Variants in MAP3K5 observed in about 807,000 individuals in gnomAD.
MAP3K5 encodes the protein mitogen-activated protein kinase kinase kinase 5.
MAP3K5 carries 56 observed loss-of-function variants against 158.7 expected under a neutral mutation model. The observed-to-expected ratio is 0.35, with a 90% CI of 0.28 to 0.44. MAP3K5 has a LOEUF of 0.44. Among genes scored for constraint, MAP3K5 ranks in the 20% least tolerant of loss-of-function variants. The pLI is 1.00. For synonymous variants in MAP3K5, 579 were observed against 601.7 expected, an observed-to-expected ratio of 0.96 and a Z score of 0.55; for missense variants, 1,294 against 1,674.8, an observed-to-expected ratio of 0.77 and a Z score of 3.97.
Position 136,792,133 on chromosome 6 carries a change from T to C in MAP3K5, c.25A>G (p.Ile9Val). 6.3e-7 allele frequency: 1 copy of C among 1,578,610 alleles called. No homozygotes were observed. The highest frequency in any genetic ancestry group is 1.1e-5 in the South Asian group (1 of 87,602). MSTEADEG[I>V]TFSVPPFAPS... is the part of the protein sequence containing the mutation. ...GCGAAGGGTGGCACAGAGAAAGTGA[T>C]GCCCTCGTCCGCCTCCGTGCTCATC... Residue 9 changes from isoleucine (I) to valine (V), a missense_variant, in exon 1 of 30, where the codon ATC becomes GTC. Ile to Val is a conservative substitution (Grantham distance 29, BLOSUM62 3). Transcript: ENST00000359015. This position sits in a 1 kb window ranked among gnomAD's most constrained non-coding sequence, Gnocchi z 5.7.
At chr6:136,725,356 G>C (rs186484258) in intron 1 of MAP3K5, among the ~76,000 whole-genome samples, 65 of 152,302 alleles carry the variant, frequency 4.3e-4, no homozygotes, top group Non-Finnish European at 7.5e-4. Flanking sequence ...CAACATCTTT[G>C]TCAGCGCTTG....
At chr6:136,689,491 G>A (rs1050049827) in intron 7 of MAP3K5, among the ~76,000 whole-genome samples, 3 of 152,052 alleles carry the variant, frequency 2.0e-5, no homozygotes, top group African/African-American at 7.2e-5. Context: ...TGGTTTGAAT[G>A]TTTCTCCCCA....
chr6:136,660,271 G>T (rs527596425), intron 8 of MAP3K5, among the ~76,000 whole-genome samples: 11 of 152,224 alleles, frequency 7.2e-5, no homozygotes, highest in African/African-American at 2.6e-4. Context: ...AAGGAAATAT[G>T]CCTGACACGG....
At chr6:136,601,569 A>G (rs185985727) in intron 20 of MAP3K5, among the ~76,000 whole-genome samples, 8 of 152,274 alleles carry the variant, frequency 5.3e-5, no homozygotes, top group Non-Finnish European at 8.8e-5. Flanking sequence ...CATATTAACT[A>G]CCTACTAACT....
chr6:136,730,153 G>GTTTTTTT (rs60058823), intron 1 of MAP3K5, among the ~76,000 whole-genome samples: 3 of 133,394 alleles, frequency 2.2e-5, no homozygotes, highest in East Asian at 2.1e-4. Flanking sequence ...TTGTTTGGTT[G>GTTTTTTT]TTTTTTTTTT....
intron 7 of MAP3K5, among the ~76,000 whole-genome samples, chr6:136,681,649 C>T (rs532182570): frequency 3.9e-4 from 59 of 151,938 alleles, no homozygotes; most frequent in East Asian, 1.9e-3. Context: ...CAAAGCAAAA[C>T]GAAACGCCTG....
intron 14 of MAP3K5, among the ~76,000 whole-genome samples, chr6:136,632,164 G>A (rs1248258050): frequency 6.6e-6 from 1 of 152,186 alleles, no homozygotes; most frequent in East Asian, 1.9e-4. Context: ...GAGTGGAAAG[G>A]AAAGGGGAAG....
At position 136,709,446 on chromosome 6, in the gene MAP3K5, T is replaced by C. The variant is rs575324924; in HGVS notation, c.589-4313A>G. Among the ~76,000 whole-genome samples, 78 of 152,164 alleles carry C rather than the reference T, an allele frequency of 5.1e-4. 1 individual carries two copies. The Middle Eastern group carries it at 0.01, about 20-fold the overall frequency. On this transcript the variant is annotated intron_variant, in intron 2 of 29. Coordinates refer to ENST00000359015, the MANE Select transcript of MAP3K5 (RefSeq NM_005923.4). Reference sequence around the variant, plus strand: ...TTGCCTAAAGGGCTCTCATAGTCAGTCTTGTCCTTGTGCTGCTAGAAGGAG... The same window carrying C: ...TTGCCTAAAGGGCTCTCATAGTCAGCCTTGTCCTTGTGCTGCTAGAAGGAG...
chr6:136,751,810 C>T (rs1038675796), intron 1 of MAP3K5, among the ~76,000 whole-genome samples: 3 of 152,110 alleles, frequency 2.0e-5, no homozygotes, highest in Admixed American at 6.5e-5. Context: ...TGTAAAATAT[C>T]GAAAACACAT....
chr6:136,768,978 C>T (rs1008895316), intron 1 of MAP3K5, among the ~76,000 whole-genome samples: 8 of 151,748 alleles, frequency 5.3e-5, no homozygotes, highest in Admixed American at 1.3e-4. Context: ...ATTGAATTAC[C>T]GTATGACCCA....
intron 28 of MAP3K5, among the ~76,000 whole-genome samples, chr6:136,560,040 C>A (rs1402838480): frequency 6.6e-6 from 1 of 151,684 alleles, no homozygotes; most frequent in Non-Finnish European, 1.5e-5. Flanking sequence ...GAAGAGATAT[C>A]TTTATTCTTA....
intron 15 of MAP3K5, among the ~76,000 whole-genome samples, chr6:136,616,116 T>G: frequency 6.6e-6 from 1 of 152,158 alleles, no homozygotes; most frequent in South Asian, 2.1e-4. Flanking sequence ...AGCACTTTAA[T>G]AGTATACCAG....
intron 14 of MAP3K5, among the ~76,000 whole-genome samples, chr6:136,625,553 T>C (rs1456861295): frequency 8.5e-5 from 13 of 152,232 alleles, no homozygotes; most frequent in Non-Finnish European, 1.6e-4. Flanking sequence ...AGGTCTTCTC[T>C]AAACACTTTC....
intron 25 of MAP3K5, among the ~76,000 whole-genome samples, chr6:136,570,394 T>G (rs1420324708): frequency 2.0e-5 from 3 of 152,188 alleles, no homozygotes; most frequent in Non-Finnish European, 4.4e-5. Flanking sequence ...CTACTTTTGC[T>G]CCATAGATGA....
At chr6:136,691,878 C>A (rs138461223) in intron 7 of MAP3K5, among the ~76,000 whole-genome samples, 1 of 152,080 alleles carries the variant, frequency 6.6e-6, no homozygotes, top group East Asian at 1.9e-4. Context: ...CATATTTTCA[C>A]CCATTATGTT....
intron 8 of MAP3K5, among the ~76,000 whole-genome samples, chr6:136,663,847 A>T (rs1426467546): frequency 6.6e-6 from 1 of 152,032 alleles, no homozygotes; most frequent in Non-Finnish European, 1.5e-5. Context: ...TCCTGACCTC[A>T]AGTGAGGCCC....
At position 136,737,037 on chromosome 6, in the gene MAP3K5, G is replaced by GTGTGTATATATATATATATATATA. The variant is rs759947051; in HGVS notation, c.449-16449_449-16448insTATATATATATATATATATACACA. Among the ~76,000 whole-genome samples the GTGTGTATATATATATATATATATA allele has an allele frequency of 2.8e-4, 35 of 126,950 alleles. 1 individual carries two copies. The highest frequency in any genetic ancestry group is 1.2e-3 in the African/African-American group (33 of 26,428). The allele number at this position is 126,950 out of a possible 152,430, so 83.3% of individuals were successfully genotyped here. ...TAATTTTACATATATATATGTGTGT[G>GTGTGTATATATATATATATATATA]TATATATATATATATATATAAACTT... On this transcript the variant is annotated intron_variant, in intron 1 of 29. Coordinates refer to ENST00000359015, the MANE Select transcript of MAP3K5 (RefSeq NM_005923.4).
At chr6:136,562,239 TA>T (rs757821367) in intron 27 of MAP3K5, among the ~76,000 whole-genome samples, 7 of 152,298 alleles carry the variant, frequency 4.6e-5, no homozygotes, top group Admixed American at 2.0e-4. Flanking sequence ...AAATAAAGAC[TA>T]AAAACAGAGA....
At chr6:136,681,323 T>A (rs1284303583) in intron 7 of MAP3K5, among the ~76,000 whole-genome samples, 1 of 152,192 alleles carries the variant, frequency 6.6e-6, no homozygotes, top group East Asian at 1.9e-4. Flanking sequence ...AGGAGACCTC[T>A]ACAGAGACAT....
Sources: gnomAD v4.1 joint callset for allele counts (sites outside exome capture counted in the v4.1 genomes callset) on GRCh38, gnomAD v4.1.1 for gene constraint, Gnocchi (gnomAD v3.1) non-coding constraint, MANE v1.5 for transcripts, NCBI Gene and HGNC (gene_info 2026-07-23, HGNC 2026-07-21) for gene names.